Variants in ZDHHC13 observed in about 807,000 individuals in gnomAD.
The protein encoded by ZDHHC13 is palmitoyltransferase ZDHHC13.
ZDHHC13 carries 85 observed loss-of-function variants against 86.0 expected under a neutral mutation model. That is an observed-to-expected ratio of 0.99 (90% CI 0.83 to 1.18). The LOEUF (loss-of-function observed/expected upper bound fraction) is 1.18, where lower values mean the gene tolerates loss of function less well. Among genes scored for constraint, ZDHHC13 ranks in the 50% most tolerant of loss-of-function variants. The probability of loss-of-function intolerance (pLI) is 0.00; values close to 1 mark genes in which losing one functional copy is unlikely to be tolerated. For synonymous variants in ZDHHC13, 263 were observed against 246.4 expected (o/e 1.07, Z -0.63); for missense variants, 711 against 730.2 (o/e 0.97, Z 0.30).
At position 19,130,733 on chromosome 11, in the gene ZDHHC13, TA is replaced by T. The variant is rs146859374; in HGVS notation, c.28-12241del. Among the ~76,000 whole-genome samples the T allele has an allele frequency of 1.1e-3, 172 of 152,356 alleles. 1 individual carries two copies. The highest frequency in any genetic ancestry group is 4.0e-3 in the African/African-American group (168 of 41,582). On this transcript the variant is annotated intron_variant, in intron 1 of 16. Coordinates refer to ENST00000446113, the MANE Select transcript of ZDHHC13 (RefSeq NM_019028.3). The stretch of plus-strand genomic sequence containing the variant: ...TGCTTAGGCTGCATACTAAGCTCTT[TA>T]AAACTGTTGTGCTGTTGCTTTCTGG...
At chr11:19,133,156 A>G (rs1849038961) in intron 1 of ZDHHC13, among the ~76,000 whole-genome samples, 1 of 152,204 alleles carries the variant, frequency 6.6e-6, no homozygotes, top group Non-Finnish European at 1.5e-5. Context: ...TCACTACAAG[A>G]TATGTTTACA....
intron 16 of ZDHHC13, among the ~76,000 whole-genome samples, chr11:19,174,565 T>A (rs1185606072): frequency 6.6e-6 from 1 of 152,224 alleles, no homozygotes; most frequent in Non-Finnish European, 1.5e-5. Context: ...TGTGTTTTGT[T>A]GTGTGTAAGG....
Position 19,165,074 on chromosome 11 carries a change from T to C in ZDHHC13, c.1319T>C (p.Leu440Pro). 6.2e-7 allele frequency: 1 copy of C among 1,612,952 alleles called. No individual in the cohort carries two copies. Among genetic ancestry groups the C allele is most frequent in the Non-Finnish European group, 8.5e-7 (1 of 1,179,420 alleles). The change falls in exon 13 of 17, where the codon CTC becomes CCC. Residue 440 changes from leucine (L) to proline (P), a missense_variant. Coordinates refer to ENST00000446113, the MANE Select transcript of ZDHHC13 (RefSeq NM_019028.3). Reference protein sequence around the residue: ...SCLIRKPLRSLHCHVCNCCVA... With the variant: ...SCLIRKPLRSPHCHVCNCCVA... ...TAGATAAGGAAGCCATTAAGGTCAC[T>C]CCACTGCCATGTATGCAACTGCTGT...
chr11:19,150,704 C>A, intron 5 of ZDHHC13, 23 bp from the exon 6 acceptor site: 1 of 1,590,998 alleles, frequency 6.3e-7, no homozygotes, highest in South Asian at 1.1e-5. Context: ...TACAGTTATG[C>A]TAATTGTCTT....
intron 9 of ZDHHC13, among the ~76,000 whole-genome samples, chr11:19,157,168 G>C (rs138207785): frequency 6.6e-5 from 10 of 152,328 alleles, no homozygotes; most frequent in African/African-American, 2.4e-4. Flanking sequence ...GACTGATGCT[G>C]CTGCATCCCT....
chr11:19,135,375 A>C (rs1849108530), intron 1 of ZDHHC13, among the ~76,000 whole-genome samples: 1 of 152,204 alleles, frequency 6.6e-6, no homozygotes. Flanking sequence ...GGGCTTAAAA[A>C]ACGGCGCACC....
intron 1 of ZDHHC13, among the ~76,000 whole-genome samples, chr11:19,132,850 C>T (rs1849032007): frequency 6.6e-6 from 1 of 152,052 alleles, no homozygotes; most frequent in Non-Finnish European, 1.5e-5. Flanking sequence ...ATATTTTGTT[C>T]ACTTTTCTAG....
At chr11:19,142,280 G>GGCTCTCTC (rs1425886134) in intron 1 of ZDHHC13, among the ~76,000 whole-genome samples, 1 of 152,148 alleles carries the variant, frequency 6.6e-6, no homozygotes, top group Non-Finnish European at 1.5e-5. Flanking sequence ...CTTGTTATGT[G>GGCTCTCTC]GCTCTCTCAC....
At chr11:19,135,953 T>TA in intron 1 of ZDHHC13, among the ~76,000 whole-genome samples, 1 of 152,052 alleles carries the variant, frequency 6.6e-6, no homozygotes, top group Admixed American at 6.5e-5. Flanking sequence ...CAAAAGTAGA[T>TA]AAAACCACAA....
chr11:19,118,611 C>T (rs1327325922), intron 1 of ZDHHC13: 1 of 152,202 alleles, frequency 6.6e-6, no homozygotes, highest in Non-Finnish European at 1.5e-5. Flanking sequence ...TTAGCCTTGT[C>T]CCAGTTCCAT....
intron 1 of ZDHHC13, among the ~76,000 whole-genome samples, chr11:19,142,769 C>G (rs1022797565): frequency 6.6e-6 from 1 of 151,454 alleles, no homozygotes; most frequent in Non-Finnish European, 1.5e-5. Context: ...GAGTCTCACT[C>G]TGTCACCCAG....
intron 10 of ZDHHC13, 103 bp from the exon 11 acceptor site, chr11:19,163,200 A>G: frequency 1.6e-6 from 2 of 1,265,476 alleles, no homozygotes; most frequent in Non-Finnish European, 1.1e-6. Context: ...ACATGTGTGC[A>G]TAAGGAAGGT....
intron 1 of ZDHHC13, among the ~76,000 whole-genome samples, chr11:19,119,078 A>G (rs1315010246): frequency 1.3e-5 from 2 of 152,178 alleles, no homozygotes; most frequent in African/African-American, 4.8e-5. Flanking sequence ...GGATTTGCCT[A>G]TACAATCAGG....
Position 19,135,274 on chromosome 11 carries a change from C to T in ZDHHC13, c.28-7704C>T, listed in dbSNP as rs1258506784. On this transcript the variant is annotated intron_variant, in intron 1 of 16. Coordinates refer to ENST00000446113, the MANE Select transcript of ZDHHC13 (RefSeq NM_019028.3). ...GCCTCACTTGGGAAGCACAAGGGGT[C>T]AGGGAGTTCCCTTTCCTAGTCAAAG... Among the ~76,000 whole-genome samples the T allele has an allele frequency of 2.0e-5, 3 of 152,212 alleles. No individual in the cohort carries two copies. In the East Asian group the frequency reaches 5.8e-4, roughly 29 times the overall value.
In ZDHHC13 at chr11:19,146,086, G is replaced by C. The variant is rs1255952767; in HGVS notation, c.174-95G>C. 3.2e-6 allele frequency: 4 copies of C among 1,269,502 alleles called. No individual in the cohort carries two copies. The East Asian group carries it at 7.6e-5, about 24-fold the overall frequency. 78.6% of individuals were successfully genotyped at this position (1,269,502 alleles called of 1,614,324 possible). ...ATATTTCTGTATTGACTGAAAGGCA[G>C]TTTGGATAGTGAAAAGATATAGTAA... On this transcript the variant is annotated intron_variant, in intron 2 of 16. Transcript: ENST00000446113.
chr11:19,166,352 GT>G lies in ZDHHC13; in HGVS notation c.1442del (p.Val481AspfsTer44). 1 of 1,612,302 alleles carries G rather than the reference GT, an allele frequency of 6.2e-7. No individual in the cohort carries two copies. The highest frequency in any genetic ancestry group is 8.5e-7 in the Non-Finnish European group (1 of 1,179,434). On this transcript the variant is annotated frameshift_variant, in exon 14 of 17. Coordinates refer to ENST00000446113, the MANE Select transcript of ZDHHC13 (RefSeq NM_019028.3). LOFTEE classifies it high-confidence loss of function. ...YIFFLFFLSM[V>X]CGWIIYGSFI... Reference sequence around the variant, plus strand: ...ATTCTTCTTGTTTTTCCTTTCCATGGTATGTGGCTGGATTATATATGGATCT... The same window carrying G: ...ATTCTTCTTGTTTTTCCTTTCCATGGATGTGGCTGGATTATATATGGATCT...
intron 1 of ZDHHC13, among the ~76,000 whole-genome samples, chr11:19,120,093 C>T (rs1369061140): frequency 6.6e-6 from 1 of 152,222 alleles, no homozygotes; most frequent in Non-Finnish European, 1.5e-5. Context: ...TTCATGACAT[C>T]TCTGTGTGAG....
At chr11:19,167,389 C>T (rs560275231) in intron 14 of ZDHHC13, 14 of 152,224 alleles carry the variant, frequency 9.2e-5, no homozygotes, top group African/African-American at 3.4e-4. Context: ...TCTTCTGTGT[C>T]TCTCTGTCTC....
intron 1 of ZDHHC13, among the ~76,000 whole-genome samples, chr11:19,131,354 AT>A (rs1379578039): frequency 3.3e-5 from 5 of 151,472 alleles, no homozygotes; most frequent in African/African-American, 1.2e-4. Context: ...TTGGTGTAGG[AT>A]TTCGGGGCTT....
Sources: allele counts gnomAD v4.1 joint callset (sites outside exome capture counted in the v4.1 genomes callset), GRCh38; gene constraint gnomAD v4.1.1; transcripts MANE v1.5; gene names NCBI Gene and HGNC (gene_info 2026-07-23, HGNC 2026-07-21).